Variants in ITGB3BP observed in about 807,000 individuals in gnomAD.
ITGB3BP encodes the protein integrin subunit beta 3 binding protein.
Under a neutral mutation model 29.1 loss-of-function variants are expected in ITGB3BP, and 27 were observed. That is an observed-to-expected ratio of 0.93 (90% CI 0.68 to 1.28). ITGB3BP has a LOEUF of 1.28. Among genes scored for constraint, ITGB3BP ranks in the 50% most tolerant of loss-of-function variants. The pLI is 0.00. For synonymous variants in ITGB3BP, 61 were observed against 61.4 expected, an observed-to-expected ratio of 0.99 and a Z score of 0.03; for missense variants, 192 against 200.2, an observed-to-expected ratio of 0.96 and a Z score of 0.25.
chr1:63,449,094 T>C (rs1251141954), intron 7 of ITGB3BP, among the ~76,000 whole-genome samples: 1 of 152,176 alleles, frequency 6.6e-6, no homozygotes, highest in Middle Eastern at 3.2e-3. Flanking sequence ...ACTGATTTAA[T>C]ACGCAACAAT....
At chr1:63,461,016 G>A (rs551759308) in intron 4 of ITGB3BP, among the ~76,000 whole-genome samples, 40 of 148,666 alleles carry the variant, frequency 2.7e-4, no homozygotes, top group Non-Finnish European at 4.6e-4. Context: ...GAGGTGGGCA[G>A]ATCACGAGGT....
chr1:63,518,200 G>C (rs1459190240), intron 1 of ITGB3BP, among the ~76,000 whole-genome samples: 1 of 152,128 alleles, frequency 6.6e-6, no homozygotes, highest in Non-Finnish European at 1.5e-5. Flanking sequence ...AGTTTGCTGA[G>C]GGTTTTATTT....
At chr1:63,500,074 T>C (rs1271879766) in intron 2 of ITGB3BP, among the ~76,000 whole-genome samples, 4 of 152,158 alleles carry the variant, frequency 2.6e-5, no homozygotes, top group African/African-American at 9.7e-5. Context: ...CCTGATCTTA[T>C]ATATAGAATA....
intron 2 of ITGB3BP, among the ~76,000 whole-genome samples, chr1:63,498,557 G>A (rs1645846489): frequency 6.6e-6 from 1 of 151,964 alleles, no homozygotes. Context: ...TGTAGTGAAA[G>A]TGGTACTCAG....
intron 4 of ITGB3BP, among the ~76,000 whole-genome samples, chr1:63,466,986 A>T (rs969211251): frequency 6.6e-6 from 1 of 150,450 alleles, no homozygotes; most frequent in South Asian, 2.1e-4. Flanking sequence ...CTGGGCTCAA[A>T]TGATTCTCCA....
intron 4 of ITGB3BP, among the ~76,000 whole-genome samples, chr1:63,475,634 C>T (rs191426965): frequency 3.7e-4 from 56 of 152,160 alleles, no homozygotes; most frequent in Middle Eastern, 3.4e-3. Flanking sequence ...AATAAAGAAC[C>T]TATTACTAAA....
chr1:63,454,409 T>G lies in ITGB3BP; in HGVS notation c.398A>C (p.Lys133Thr). 6.2e-7 allele frequency: 1 copy of G among 1,601,158 alleles called. No homozygotes were observed. Among genetic ancestry groups the G allele is most frequent in the Non-Finnish European group, 8.5e-7 (1 of 1,170,844 alleles). Reference sequence around the variant, plus strand: ...TTCTTTGGTTTTCTGCATTTCTCTTTTTAAGAAATGTGATGCACAGGAGAT... The same window carrying G: ...TTCTTTGGTTTTCTGCATTTCTCTTGTTAAGAAATGTGATGCACAGGAGAT... Reference protein sequence around the residue: ...IGISCASHFLKREMQKTKELM... With the variant: ...IGISCASHFLTREMQKTKELM... Residue 133 changes from lysine to threonine, a missense_variant, in exon 6 of 9, where the codon AAA becomes ACA. Lys to Thr is a moderately conservative substitution (Grantham distance 78, BLOSUM62 -1). Transcript: ENST00000271002. The surrounding 1 kb of genome is among the most constrained non-coding windows in gnomAD (Gnocchi z 4.1).
At chr1:63,471,573 C>T (rs558765166) in intron 4 of ITGB3BP, among the ~76,000 whole-genome samples, 1 of 152,080 alleles carries the variant, frequency 6.6e-6, no homozygotes, top group East Asian at 1.9e-4. Flanking sequence ...ATTCTTTTAC[C>T]TTTCATATTC....
chr1:63,513,332 T>C (rs995630393), intron 1 of ITGB3BP, among the ~76,000 whole-genome samples: 2 of 152,222 alleles, frequency 1.3e-5, no homozygotes, highest in African/African-American at 4.8e-5. Context: ...CTATCATTAT[T>C]TATTTTGATG....
chr1:63,456,475 G>A (rs1181804626), intron 4 of ITGB3BP, among the ~76,000 whole-genome samples: 1 of 152,106 alleles, frequency 6.6e-6, no homozygotes, highest in East Asian at 1.9e-4. Flanking sequence ...TGGATCCAAA[G>A]ACCTGAAGAA....
intron 2 of ITGB3BP, among the ~76,000 whole-genome samples, chr1:63,507,543 G>A (rs1224384278): frequency 6.6e-6 from 1 of 152,138 alleles, no homozygotes; most frequent in Non-Finnish European, 1.5e-5. Flanking sequence ...AAACCATTCT[G>A]ACCAAAGAAA....
intron 4 of ITGB3BP, among the ~76,000 whole-genome samples, chr1:63,462,305 T>C (rs139411109): frequency 1.1e-3 from 171 of 152,348 alleles, no homozygotes; most frequent in African/African-American, 3.9e-3. Flanking sequence ...AACTGATTTT[T>C]GTGTGTTGAT....
chr1:63,526,377 T>C (rs1233524925), upstream of ITGB3BP, among the ~76,000 whole-genome samples: 1 of 152,202 alleles, frequency 6.6e-6, no homozygotes, highest in Non-Finnish European at 1.5e-5. Context: ...ACAACAGTAC[T>C]AGATAACACT....
intron 3 of ITGB3BP, among the ~76,000 whole-genome samples, chr1:63,481,884 A>G (rs1358856999): frequency 1.3e-5 from 2 of 152,218 alleles, no homozygotes; most frequent in African/African-American, 2.4e-5. Context: ...GAATGGTTAC[A>G]AACTTATCCC....
At chr1:63,448,562 C>T (rs1557606275) in intron 7 of ITGB3BP, among the ~76,000 whole-genome samples, 1 of 151,938 alleles carries the variant, frequency 6.6e-6, no homozygotes, top group Non-Finnish European at 1.5e-5. Context: ...TAAACATTTG[C>T]TTTATTGTGT....
chr1:63,448,847 T>G (rs1644824077), intron 7 of ITGB3BP, among the ~76,000 whole-genome samples: 1 of 152,114 alleles, frequency 6.6e-6, no homozygotes, highest in Admixed American at 6.6e-5. Context: ...ACTGATCAAT[T>G]TTTATATTGC....
At position 63,480,813 on chromosome 1, in the gene ITGB3BP, A is replaced by G. The variant is rs1176222712; in HGVS notation, c.185-1980T>C. On this transcript the variant is annotated intron_variant, in intron 3 of 8. Transcript: ENST00000271002. The stretch of plus-strand genomic sequence containing the variant: ...TAAGTTCCAAACAGAATAAATTAAT[A>G]TGGTTAAAAATTTAGTAAAGAATGT... Among the ~76,000 whole-genome samples, 12 of 152,222 alleles carry G rather than the reference A, an allele frequency of 7.9e-5. No homozygotes were observed. The East Asian group carries it at 2.1e-3, about 27-fold the overall frequency.
intron 2 of ITGB3BP, among the ~76,000 whole-genome samples, chr1:63,493,070 CCA>C (rs10643042): frequency 1.7e-4 from 25 of 146,876 alleles, no homozygotes; most frequent in East Asian, 8.4e-4. Context: ...GTGGATCACA[CCA>C]CACACACACA....
intron 4 of ITGB3BP, among the ~76,000 whole-genome samples, chr1:63,473,071 A>AGC (rs1299722563): frequency 1.3e-5 from 2 of 151,350 alleles, no homozygotes; most frequent in Non-Finnish European, 2.9e-5. Flanking sequence ...GGAAGTGAGG[A>AGC]GCGTCTCTGC....
Sources: allele counts gnomAD v4.1 joint callset (sites outside exome capture counted in the v4.1 genomes callset), GRCh38; gene constraint gnomAD v4.1.1; non-coding constraint Gnocchi (gnomAD v3.1); transcripts MANE v1.5; gene names NCBI Gene and HGNC (gene_info 2026-07-23, HGNC 2026-07-21).